The following STXBP3 variants were observed in gnomAD, a reference collection of about 807,000 sequenced individuals.
STXBP3 encodes syntaxin-binding protein 3.
Under a neutral mutation model 85.7 loss-of-function variants are expected in STXBP3, and 41 were observed. The ratio of observed to expected loss-of-function variants is 0.48; its 90% CI spans 0.37 to 0.62. The LOEUF is 0.62. STXBP3 is among the 20% of genes least tolerant of loss of function. STXBP3 has a pLI of 0.00. For synonymous variants in STXBP3, 229 were observed against 231.7 expected (o/e 0.99, Z 0.10); for missense variants, 563 against 703.1 (o/e 0.80, Z 2.25).
chr1:108,761,646 T>G (rs1003123735), intron 6 of STXBP3, among the ~76,000 whole-genome samples: 1 of 152,188 alleles, frequency 6.6e-6, no homozygotes, highest in Non-Finnish European at 1.5e-5. Context: ...AGAATTTTTT[T>G]CTTTTAATTT....
chr1:108,747,541 G>A (rs1472483134), intron 1 of STXBP3, among the ~76,000 whole-genome samples: 1 of 152,104 alleles, frequency 6.6e-6, no homozygotes, highest in African/African-American at 2.4e-5. Context: ...ACCTAGGTCT[G>A]GCAGGTTAGA....
chr1:108,787,897 C>T (rs912162367), intron 11 of STXBP3, among the ~76,000 whole-genome samples: 2 of 151,968 alleles, frequency 1.3e-5, no homozygotes, highest in African/African-American at 4.8e-5. Context: ...TCAAACGATC[C>T]TCCCACCTCA....
rs148694041 is a variant in STXBP3 at position 108,794,274 on chromosome 1, G to A, written c.1030-553G>A. On this transcript the variant is annotated intron_variant, in intron 12 of 18. Transcript: ENST00000370008. Reference sequence around the variant, plus strand: ...TGCTGTCTGTTGATTGCCTCCTGTTGTATTAGTCTGTTCTCACATTGCTGT... The same window carrying A: ...TGCTGTCTGTTGATTGCCTCCTGTTATATTAGTCTGTTCTCACATTGCTGT... Among the ~76,000 whole-genome samples the A allele has an allele frequency of 9.2e-5, 14 of 152,216 alleles. No homozygotes were observed. In the East Asian group the frequency reaches 2.7e-3, roughly 29 times the overall value.
intron 11 of STXBP3, among the ~76,000 whole-genome samples, chr1:108,788,203 GACTT>G (rs1400413984): frequency 6.6e-6 from 1 of 151,982 alleles, no homozygotes; most frequent in African/African-American, 2.4e-5. Context: ...TACATTTATT[GACTT>G]ACTAACATAA....
rs778894560 is a variant in STXBP3, at chr1:108,796,740, T to C, written c.1356+14T>C. 1.0e-5 allele frequency: 16 copies of C among 1,606,776 alleles called. No homozygotes were observed. The Admixed American group carries it at 1.2e-4, about 12-fold the overall frequency. ...ATTGTTCCCCAAGTAAGAAGTCTTA[T>C]GTTGTGTATATACTTTATATGTATG... On this transcript the variant is annotated intron_variant, in intron 15 of 18. Coordinates refer to ENST00000370008, the MANE Select transcript of STXBP3 (RefSeq NM_007269.4).
rs1201633659 is a variant in STXBP3, at chr1:108,798,148, C to G, written c.1360C>G (p.Gln454Glu). 1 of 1,607,112 alleles carries G rather than the reference C, an allele frequency of 6.2e-7. No individual in the cohort carries two copies. Among genetic ancestry groups the G allele is most frequent in the East Asian group, 2.2e-5 (1 of 44,602 alleles). ...YLGVPIVPQS[Q>E]QGKPLRKDRS... is the part of the protein sequence containing the mutation. ...TTTTTTCCTCTAATTGTATTAGTCT[C>G]AACAAGGCAAACCGTTAAGAAAGGA... The change falls in exon 16 of 19, where the codon CAA (glutamine) becomes GAA (glutamate). Residue 454 changes from glutamine (Q) to glutamate (E), a missense_variant. Gln to Glu is a conservative substitution (Grantham distance 29). Coordinates refer to ENST00000370008, the MANE Select transcript of STXBP3 (RefSeq NM_007269.4).
intron 17 of STXBP3, among the ~76,000 whole-genome samples, chr1:108,801,917 C>T (rs1249571742): frequency 6.6e-6 from 1 of 152,046 alleles, no homozygotes; most frequent in African/African-American, 2.4e-5. Flanking sequence ...GATCTTCCTG[C>T]CTCAGCCTCC....
At chr1:108,797,350 AC>A (rs201840705) in intron 15 of STXBP3, among the ~76,000 whole-genome samples, 1,846 of 149,470 alleles carry the variant, frequency 0.012, 59 homozygotes, top group African/African-American at 0.035. Flanking sequence ...AAAAAAAAAA[AC>A]AAAAAAAAAA....
intron 16 of STXBP3, 120 bp downstream of exon 16, chr1:108,798,357 A>T: frequency 1.1e-5 from 5 of 447,260 alleles, no homozygotes; most frequent in Middle Eastern, 7.2e-4. Context: ...CAGTGGTTGG[A>T]GGCTTCACAA....
chr1:108,783,906 T>A (rs1046609665), intron 11 of STXBP3, among the ~76,000 whole-genome samples: 1 of 152,236 alleles, frequency 6.6e-6, no homozygotes, highest in African/African-American at 2.4e-5. Flanking sequence ...ATTTCTCTAA[T>A]GTTCTTGTGC....
At chr1:108,798,012 T>C in intron 15 of STXBP3, 133 bp from the exon 16 acceptor site, 1 of 702,500 alleles carries the variant, frequency 1.4e-6, no homozygotes, top group Middle Eastern at 4.3e-4. Context: ...AAAATAGGCA[T>C]CTCCACTCTT....
intron 6 of STXBP3, among the ~76,000 whole-genome samples, chr1:108,763,762 A>G (rs1209606121): frequency 2.1e-5 from 3 of 144,888 alleles, no homozygotes; most frequent in African/African-American, 5.1e-5. Flanking sequence ...TTTTTTTTTT[A>G]GTAGAGATGG....
At chr1:108,770,463 T>C (rs2101114015) in intron 6 of STXBP3, among the ~76,000 whole-genome samples, 1 of 144,458 alleles carries the variant, frequency 6.9e-6, no homozygotes, top group Admixed American at 7.0e-5. Context: ...AAGTGTAGGG[T>C]GCTTGTTGAC....
At chr1:108,793,790 A>T (rs1570770731) in intron 12 of STXBP3, 143 bp downstream of exon 12, 8 of 498,032 alleles carry the variant, frequency 1.6e-5, no homozygotes, top group Non-Finnish European at 2.1e-5. Flanking sequence ...GGTCTGAGAG[A>T]TATCCCATAT....
intron 2 of STXBP3, 58 bp downstream of exon 2, chr1:108,752,364 G>T: frequency 6.7e-7 from 1 of 1,481,798 alleles, no homozygotes; most frequent in Middle Eastern, 1.8e-4. Context: ...AAACAATACA[G>T]TATAAAAACT....
intron 18 of STXBP3, among the ~76,000 whole-genome samples, chr1:108,808,341 G>A (rs889122427): frequency 2.6e-5 from 4 of 152,080 alleles, no homozygotes; most frequent in Admixed American, 6.6e-5. Flanking sequence ...GCAAAACTCC[G>A]TCTCTACAAA....
chr1:108,756,831 C>G (rs1277044), intron 4 of STXBP3, 65 bp downstream of exon 4: 927,683 of 1,257,368 alleles, frequency 0.74, 350,687 homozygotes, highest in Non-Finnish European at 0.78. Context: ...GGTTTACTAA[C>G]AGAAAATTCA....
chr1:108,808,279 A>G (rs1208326294), intron 18 of STXBP3, among the ~76,000 whole-genome samples: 1 of 152,186 alleles, frequency 6.6e-6, no homozygotes, highest in Non-Finnish European at 1.5e-5. Context: ...TGGGAGGCCA[A>G]AGCAGAAGGG....
rs375254126 is a variant in STXBP3 at position 108,800,480 on chromosome 1, T to A, written c.1535+175T>A. Among the ~76,000 whole-genome samples the A allele has an allele frequency of 4.6e-5, 7 of 152,340 alleles. No homozygotes were observed. In the South Asian group the frequency reaches 1.2e-3, roughly 27 times the overall value. On this transcript the variant is annotated intron_variant, in intron 17 of 18. Transcript: ENST00000370008. ...ATAAGCAATATGAAAATGTACTTTA[T>A]TATAAAAAATATTTTCATGAAACAA...
Sources: gnomAD v4.1 joint callset for allele counts (sites outside exome capture counted in the v4.1 genomes callset) on GRCh38, gnomAD v4.1.1 for gene constraint, MANE v1.5 for transcripts, NCBI Gene and HGNC (gene_info 2026-07-23, HGNC 2026-07-21) for gene names.